Variants in PKM observed in about 807,000 individuals in gnomAD.
PKM encodes pyruvate kinase PKM.
A neutral mutation model predicts 49.8 loss-of-function variants in PKM; 18 were observed. The observed-to-expected ratio is 0.36, with a 90% CI of 0.25 to 0.54. PKM has a LOEUF of 0.54. PKM is among the 20% of genes least tolerant of loss of function. The probability of loss-of-function intolerance (pLI) is 0.89; values close to 1 mark genes in which losing one functional copy is unlikely to be tolerated. For synonymous variants in PKM, 239 were observed against 261.8 expected, an observed-to-expected ratio of 0.91 and a Z score of 0.84; for missense variants, 508 against 713.8, an observed-to-expected ratio of 0.71 and a Z score of 3.28.
intron 3 of PKM, among the ~76,000 whole-genome samples, chr15:72,212,799 C>T (rs749433127): frequency 6.6e-5 from 10 of 152,128 alleles, no homozygotes; most frequent in Non-Finnish European, 1.5e-4. Flanking sequence ...AGGCCAGGCG[C>T]AGTGGCTCAC....
At chr15:72,225,336 CT>C (rs972761350) in intron 1 of PKM, among the ~76,000 whole-genome samples, 3 of 150,896 alleles carry the variant, frequency 2.0e-5, no homozygotes, top group South Asian at 2.1e-4. Flanking sequence ...CCATCTTAAA[CT>C]TTTTTTTCTA....
rs8192352 is a variant in PKM at position 72,229,520 on chromosome 15, G to A, written c.-14+1596C>T. ...CCAAGCCCTGGGTCTGGAGTACGTAGATTAAGAAGCCAAGGGATGCCCTTA... is the reference window on the plus strand; with the variant it reads ...CCAAGCCCTGGGTCTGGAGTACGTAAATTAAGAAGCCAAGGGATGCCCTTA... On this transcript the variant is annotated intron_variant, in intron 1 of 10. Coordinates refer to ENST00000335181, the MANE Select transcript of PKM (RefSeq NM_002654.6). The A allele has an allele frequency of 1.4e-3, 1,786 of 1,273,512 alleles. 34 individuals carry two copies. The East Asian group carries it at 0.024, about 17-fold the overall frequency. 78.9% of individuals were successfully genotyped at this position (1,273,512 alleles called of 1,614,324 possible).
intron 1 of PKM, among the ~76,000 whole-genome samples, chr15:72,223,147 C>A (rs2082571176): frequency 6.6e-6 from 1 of 151,650 alleles, no homozygotes; most frequent in Non-Finnish European, 1.5e-5. Context: ...TCCCAAGTAG[C>A]TGGGACTACA....
At chr15:72,211,153 C>T (rs1327113737) in intron 3 of PKM, among the ~76,000 whole-genome samples, 2 of 151,932 alleles carry the variant, frequency 1.3e-5, no homozygotes, top group Non-Finnish European at 2.9e-5. Flanking sequence ...GCAAGCTCCA[C>T]CTCCCAGGTT....
Position 72,210,408 on chromosome 15 carries a change from C to G in PKM, c.317G>C (p.Arg106Pro). The G allele has an allele frequency of 6.2e-7, 1 of 1,614,150 alleles. No homozygotes were observed. The highest frequency in any genetic ancestry group is 1.1e-5 in the South Asian group (1 of 91,078). Residue 106 changes from arginine to proline, a missense_variant, in exon 4 of 11, where the codon CGG (arginine) becomes CCG (proline). Physicochemically the swap from Arg to Pro is moderately radical, Grantham distance 103 (BLOSUM62 -2). Coordinates refer to ENST00000335181, the MANE Select transcript of PKM (RefSeq NM_002654.6). ...AGTGTCTAGAGCCACAGCAACGGGC[C>G]GGTAGAGGATGGGGTCAGAAGCAAA... is the stretch of plus-strand genomic sequence containing the variant. ...ESFASDPILY[R>P]PVAVALDTKG...
At chr15:72,218,815 C>G (rs1046329395) in intron 2 of PKM, 129 bp downstream of exon 2, 20 of 929,082 alleles carry the variant, frequency 2.2e-5, no homozygotes, top group Middle Eastern at 4.2e-4. Flanking sequence ...GACCTGAGTC[C>G]TTTCATAAGA....
intron 1 of PKM, among the ~76,000 whole-genome samples, chr15:72,230,471 A>AGAGG (rs1290922759): frequency 1.3e-5 from 2 of 151,974 alleles, no homozygotes; most frequent in Non-Finnish European, 2.9e-5. Context: ...ACCAGAGCAG[A>AGAGG]GAGGGAGGGA....
intron 3 of PKM, among the ~76,000 whole-genome samples, chr15:72,215,720 C>T (rs1281169685): frequency 2.0e-5 from 3 of 152,158 alleles, no homozygotes; most frequent in Admixed American, 2.0e-4. Context: ...ATAAAGCCTA[C>T]TTAAAGGTCA....
chr15:72,201,966 T>A lies in PKM; in HGVS notation c.1307+488A>T, dbSNP rs141625404. On this transcript the variant is annotated intron_variant, in intron 9 of 10. Coordinates refer to ENST00000335181, the MANE Select transcript of PKM (RefSeq NM_002654.6). ...AGGCCCCACAGAATGTCAGCCAAGA[T>A]AGCACAGCAACCTCTCCTGAGCTGG... The A allele has an allele frequency of 2.6e-3, 549 of 212,812 alleles. 2 individuals carry two copies. The highest frequency in any genetic ancestry group is 3.9e-3 in the Non-Finnish European group (408 of 103,862). 13.2% of individuals were successfully genotyped at this position (212,812 alleles called of 1,614,324 possible).
intron 3 of PKM, among the ~76,000 whole-genome samples, chr15:72,214,254 T>G (rs1200704195): frequency 6.6e-6 from 1 of 152,248 alleles, no homozygotes; most frequent in East Asian, 1.9e-4. Context: ...GCCTAATATA[T>G]TTTTGTAACC....
At chr15:72,205,869 T>A (rs953289603) in intron 8 of PKM, among the ~76,000 whole-genome samples, 1 of 152,120 alleles carries the variant, frequency 6.6e-6, no homozygotes, top group African/African-American at 2.4e-5. Flanking sequence ...TGATCAGGGA[T>A]CCCTGAGTTA....
chr15:72,224,330 C>CT (rs2082603948), intron 1 of PKM, among the ~76,000 whole-genome samples: 1 of 152,084 alleles, frequency 6.6e-6, no homozygotes, highest in Non-Finnish European at 1.5e-5. Context: ...TTAAGTGCAA[C>CT]TAAGGTGGGT....
At chr15:72,229,813 C>A (rs1411891104) in intron 1 of PKM, 4 of 558,704 alleles carry the variant, frequency 7.2e-6, no homozygotes, top group Non-Finnish European at 7.2e-6. Flanking sequence ...GTGAACGCGA[C>A]AGATTTCCTG....
intron 3 of PKM, among the ~76,000 whole-genome samples, chr15:72,215,201 A>C (rs1399729580): frequency 1.1e-5 from 1 of 94,542 alleles, no homozygotes; most frequent in Non-Finnish European, 2.4e-5. Flanking sequence ...ATTCTGTCTC[A>C]AAAAAAAAAA....
chr15:72,223,424 CAGTAGGTACCCAAGATTGTG>C (rs2082579708), intron 1 of PKM, among the ~76,000 whole-genome samples: 1 of 152,146 alleles, frequency 6.6e-6, no homozygotes, highest in Non-Finnish European at 1.5e-5. Flanking sequence ...CCAACGTTGC[CAGTAGGTACCCAAGATTGTG>C]TTCCTTCCTG....
chr15:72,200,631 G>C lies in PKM; in HGVS notation c.1332C>G (p.Tyr444Ter). The change falls in exon 10 of 11, where the codon TAC (tyrosine) becomes TAG (stop). Residue 444 changes from tyrosine (Y) to a stop codon, truncating the protein, a stop_gained. Coordinates refer to ENST00000335181, the MANE Select transcript of PKM (RefSeq NM_002654.6). LOFTEE classifies it high-confidence loss of function. The surrounding 1 kb of genome is among the most constrained non-coding windows in gnomAD (Gnocchi z 4.6). ...CAGCAATGATGGGGGCACGTGGGCG[G>C]TATCTGGCCACCTGGTGAGCAGACC... ...SGRSAHQVAR[Y>*]RPRAPIIAVT... 6.2e-7 allele frequency: 1 copy of C among 1,613,112 alleles called. No individual in the cohort carries two copies. Among genetic ancestry groups the C allele is most frequent in the Non-Finnish European group, 8.5e-7 (1 of 1,179,282 alleles).
chr15:72,221,399 T>C (rs976788092), intron 1 of PKM: 7 of 607,532 alleles, frequency 1.2e-5, no homozygotes, highest in East Asian at 2.8e-5. Flanking sequence ...TCCACTGTTA[T>C]GTCTCTTTAA....
chr15:72,202,750 C>T lies in PKM; in HGVS notation c.1141-130G>A. The stretch of plus-strand genomic sequence containing the variant: ...GGAACATGTTCCTGGGAACAAAGGC[C>T]AAGAGGAGCCCAATCACTGGAGATT... On this transcript the variant is annotated intron_variant, in intron 8 of 10. Transcript: ENST00000335181. The surrounding 1 kb of genome is among the most constrained non-coding windows in gnomAD (Gnocchi z 4.5). 1 of 816,726 alleles carries T rather than the reference C, an allele frequency of 1.2e-6. No individual in the cohort carries two copies. The highest frequency in any genetic ancestry group is 1.5e-5 in the South Asian group (1 of 64,934). 50.6% of individuals were successfully genotyped at this position (816,726 alleles called of 1,614,324 possible). A position where few individuals can be genotyped will look rare whatever the true frequency, so the allele number is the denominator to read the frequency against.
intron 1 of PKM, chr15:72,228,658 T>C (rs1044555906): frequency 8.6e-6 from 11 of 1,282,196 alleles, no homozygotes; most frequent in Non-Finnish European, 1.1e-5. Context: ...CCCCACAGAT[T>C]TGGTGATACG....
Sources: allele counts gnomAD v4.1 joint callset (sites outside exome capture counted in the v4.1 genomes callset), GRCh38; gene constraint gnomAD v4.1.1; non-coding constraint Gnocchi (gnomAD v3.1); transcripts MANE v1.5; gene names NCBI Gene and HGNC (gene_info 2026-07-23, HGNC 2026-07-21).